Variants in IREB2 observed in about 807,000 individuals in gnomAD.
The protein encoded by IREB2 is iron responsive element binding protein 2, also known as iron-responsive element-binding protein 2.
A neutral mutation model predicts 118.8 loss-of-function variants in IREB2; 39 were observed. That is an observed-to-expected ratio of 0.33 (90% confidence interval 0.25 to 0.43). The LOEUF is 0.43. Ranked by LOEUF, IREB2 falls within the 20% of genes least tolerant of loss-of-function variation. IREB2 has a pLI of 1.00. For missense variants in IREB2, 900 were observed against 1,147.3 expected, an observed-to-expected ratio of 0.78 and a Z score of 3.11; for synonymous variants, 372 against 392.2, an observed-to-expected ratio of 0.95 and a Z score of 0.61.
chr15:78,479,109 A>G (rs1164218066), intron 10 of IREB2, among the ~76,000 whole-genome samples: 2 of 151,530 alleles, frequency 1.3e-5, no homozygotes, highest in Non-Finnish European at 2.9e-5. Flanking sequence ...TAATATTACT[A>G]TTTTTTTAAT....
intron 2 of IREB2, among the ~76,000 whole-genome samples, chr15:78,458,768 A>G (rs2051147373): frequency 6.6e-6 from 1 of 152,158 alleles, no homozygotes; most frequent in South Asian, 2.1e-4. Flanking sequence ...TCATTTGTTC[A>G]CCTAGTGCTG....
intron 1 of IREB2, 129 bp downstream of exon 1, chr15:78,438,485 C>A: frequency 9.5e-7 from 1 of 1,050,354 alleles, no homozygotes; most frequent in Non-Finnish European, 1.4e-6. Context: ...GGTTGTGCTC[C>A]CCTCGGGGCC....
In IREB2 at chr15:78,443,197, A is replaced by G. The variant is rs1420518094; in HGVS notation, c.106+3316A>G. ...TAACTAATAATAAAATAGAACAGTTATAACAATGTACTGTAATAAAAGTTA... is the reference window on the plus strand; with the variant it reads ...TAACTAATAATAAAATAGAACAGTTGTAACAATGTACTGTAATAAAAGTTA... On this transcript the variant is annotated intron_variant, in intron 2 of 21. Coordinates refer to ENST00000258886, the MANE Select transcript of IREB2 (RefSeq NM_004136.4). 2.6e-5 allele frequency among the ~76,000 whole-genome samples: 4 copies of G among 152,400 alleles called. No individual in the cohort carries two copies. In the South Asian group the frequency reaches 6.2e-4, roughly 24 times the overall value.
At chr15:78,480,418 G>A (rs191693979) in intron 10 of IREB2, among the ~76,000 whole-genome samples, 4 of 152,122 alleles carry the variant, frequency 2.6e-5, no homozygotes, top group Admixed American at 6.5e-5. Flanking sequence ...GGTGGCTCAC[G>A]CCTGTAATCC....
At position 78,498,206 on chromosome 15, in the gene IREB2, G is replaced by A; in HGVS notation, c.*63G>A. 1 of 879,458 alleles carries A rather than the reference G, an allele frequency of 1.1e-6. No individual in the cohort carries two copies. Among genetic ancestry groups the A allele is most frequent in the Non-Finnish European group, 1.9e-6 (1 of 525,186 alleles). The allele number at this position is 879,458 out of a possible 1,614,324, so 54.5% of individuals were successfully genotyped here. Reference sequence around the variant, plus strand: ...TGCAAAGCCTTTTGTGCTGGACCCAGGAATCCTTACCATGGAGCAGCAGAT... The same window carrying A: ...TGCAAAGCCTTTTGTGCTGGACCCAAGAATCCTTACCATGGAGCAGCAGAT... On this transcript the variant is annotated 3_prime_UTR_variant, in exon 22 of 22. Transcript: ENST00000258886.
intron 18 of IREB2, among the ~76,000 whole-genome samples, chr15:78,492,499 C>T (rs1013613891): frequency 6.6e-6 from 1 of 152,114 alleles, no homozygotes; most frequent in Non-Finnish European, 1.5e-5. Context: ...ATTCTTTAAC[C>T]AGCCTTTCAT....
chr15:78,461,491 A>G (rs940370988), intron 2 of IREB2, among the ~76,000 whole-genome samples: 4 of 152,224 alleles, frequency 2.6e-5, no homozygotes, highest in Non-Finnish European at 5.9e-5. Flanking sequence ...AAAAAAAAGG[A>G]TGTTTAAAAA....
chr15:78,439,316 C>A (rs919037933), intron 1 of IREB2, among the ~76,000 whole-genome samples: 1 of 151,624 alleles, frequency 6.6e-6, no homozygotes, highest in Non-Finnish European at 1.5e-5. Context: ...TGTAAAAATC[C>A]GTCTTTTAGT....
At chr15:78,485,041 CTAGTATTT>C in intron 12 of IREB2, 121 bp downstream of exon 12, 1 of 870,434 alleles carries the variant, frequency 1.1e-6, no homozygotes. Context: ...GAGAGACTTT[CTAGTATTT>C]TAGTTAGGTC....
chr15:78,471,677 C>T, intron 6 of IREB2, 64 bp from the exon 7 acceptor site: 4 of 1,004,542 alleles, frequency 4.0e-6, no homozygotes, highest in Non-Finnish European at 5.7e-6. Context: ...TAATATTACA[C>T]CTTGATTGTG....
At chr15:78,444,133 C>T (rs2050889781) in intron 2 of IREB2, among the ~76,000 whole-genome samples, 1 of 152,026 alleles carries the variant, frequency 6.6e-6, no homozygotes, top group African/African-American at 2.4e-5. Context: ...TGATAGCTCA[C>T]TGGAGCCTTG....
In IREB2 at chr15:78,490,753, A is replaced by G. The variant is rs1011159790; in HGVS notation, c.2316A>G (p.Thr772=). 3 of 1,613,922 alleles carry G rather than the reference A, an allele frequency of 1.9e-6. No individual in the cohort carries two copies. Among genetic ancestry groups the G allele is most frequent in the Non-Finnish European group, 2.5e-6 (3 of 1,179,958 alleles). Residue 772 remains threonine, a synonymous_variant, in exon 18 of 22, where the codon ACA becomes ACG. Coordinates refer to ENST00000258886, the MANE Select transcript of IREB2 (RefSeq NM_004136.4). ...ARNSAAAKYL[T]NRGLTPREFN... ...ATAGTGCTGCCGCTAAGTATTTGAC[A>G]AACAGAGGGTATGTGTACATGGCTT...
intron 16 of IREB2, among the ~76,000 whole-genome samples, chr15:78,489,762 C>T (rs749520418): frequency 6.6e-6 from 1 of 152,206 alleles, no homozygotes; most frequent in South Asian, 2.1e-4. Flanking sequence ...CCGCCCACCT[C>T]AGCCTCCCAA....
chr15:78,446,023 A>G (rs1352397402), intron 2 of IREB2, among the ~76,000 whole-genome samples: 2 of 152,120 alleles, frequency 1.3e-5, no homozygotes, highest in African/African-American at 4.8e-5. Flanking sequence ...GCTTCAAGTG[A>G]TCCTTCTGCC....
intron 2 of IREB2, among the ~76,000 whole-genome samples, chr15:78,456,483 C>T (rs945361155): frequency 6.6e-6 from 1 of 151,278 alleles, no homozygotes; most frequent in Non-Finnish European, 1.5e-5. Context: ...GGCAACATGG[C>T]GAAACCCTAT....
At chr15:78,489,817 A>G (rs2051719510) in intron 16 of IREB2, among the ~76,000 whole-genome samples, 1 of 152,204 alleles carries the variant, frequency 6.6e-6, no homozygotes, top group Admixed American at 6.5e-5. Context: ...GGCCTAAGAA[A>G]TGGTGAGATT....
At chr15:78,445,407 G>A (rs941898489) in intron 2 of IREB2, among the ~76,000 whole-genome samples, 1 of 152,188 alleles carries the variant, frequency 6.6e-6, no homozygotes, top group South Asian at 2.1e-4. Context: ...CCAAAGTGTT[G>A]AGATTACAGG....
rs555787812 is a variant in IREB2, at chr15:78,454,845, C to T, written c.107-8077C>T. ...AGTAGTTAGGATCACAGGTGCACAC[C>T]ACTGTGCCTGATGAATTTTTTATTT... On this transcript the variant is annotated intron_variant, in intron 2 of 21. Transcript: ENST00000258886. 2.0e-5 allele frequency among the ~76,000 whole-genome samples: 3 copies of T among 152,230 alleles called. No homozygotes were observed. The South Asian group carries it at 6.2e-4, about 32-fold the overall frequency.
intron 2 of IREB2, among the ~76,000 whole-genome samples, chr15:78,447,084 CTT>C (rs1292319001): frequency 6.6e-6 from 1 of 152,000 alleles, no homozygotes; most frequent in Non-Finnish European, 1.5e-5. Flanking sequence ...AGATCAGACT[CTT>C]TGTTCCCTTC....
Sources: allele counts gnomAD v4.1 joint callset (sites outside exome capture counted in the v4.1 genomes callset), GRCh38; gene constraint gnomAD v4.1.1; transcripts MANE v1.5; gene names NCBI Gene and HGNC (gene_info 2026-07-23, HGNC 2026-07-21).